The following ACOXL variants were observed in gnomAD, a reference collection of about 807,000 sequenced individuals.
The protein encoded by ACOXL is acyl-CoA oxidase like, also known as acyl-coenzyme A oxidase-like protein.
A neutral mutation model predicts 71.9 loss-of-function variants in ACOXL; 70 were observed. That is an observed-to-expected ratio of 0.97 (90% confidence interval 0.80 to 1.19). The LOEUF (loss-of-function observed/expected upper bound fraction) is 1.19, where lower values mean the gene tolerates loss of function less well. Ranked by LOEUF, ACOXL falls within the 50% of genes most tolerant of loss-of-function variation. The pLI is 0.00. For synonymous variants in ACOXL, 253 were observed against 281.6 expected, an observed-to-expected ratio of 0.90 and a Z score of 1.02; for missense variants, 703 against 736.3, an observed-to-expected ratio of 0.95 and a Z score of 0.52.
intron 8 of ACOXL, among the ~76,000 whole-genome samples, chr2:110,803,482 A>G (rs570292963): frequency 3.0e-4 from 45 of 152,346 alleles, no homozygotes; most frequent in Admixed American, 2.3e-3. Flanking sequence ...AAAAGCATGA[A>G]GTTGGACCTT....
intron 9 of ACOXL, among the ~76,000 whole-genome samples, chr2:110,808,302 T>C (rs926584068): frequency 6.6e-6 from 1 of 152,132 alleles, no homozygotes; most frequent in South Asian, 2.1e-4. Context: ...AAGCTCATCT[T>C]GTAAATTAGG....
intron 9 of ACOXL, among the ~76,000 whole-genome samples, chr2:110,832,544 C>CAAAAAA (rs769471148): frequency 6.8e-5 from 3 of 44,274 alleles, no homozygotes; most frequent in Non-Finnish European, 9.4e-5. Context: ...GACTCCATCT[C>CAAAAAA]AAAAAAAAAA....
At chr2:110,769,404 T>C (rs1257299231) in intron 2 of ACOXL, among the ~76,000 whole-genome samples, 1 of 152,014 alleles carries the variant, frequency 6.6e-6, no homozygotes, top group Non-Finnish European at 1.5e-5. Flanking sequence ...CCCAGTACTT[T>C]GGGAGGCCAA....
At chr2:110,892,456 T>C (rs912236332) in intron 10 of ACOXL, among the ~76,000 whole-genome samples, 1 of 152,122 alleles carries the variant, frequency 6.6e-6, no homozygotes, top group African/African-American at 2.4e-5. Context: ...GATGTGTTCA[T>C]CCAACACCTG....
chr2:110,756,172 G>T (rs541206180), intron 1 of ACOXL, among the ~76,000 whole-genome samples: 2 of 152,214 alleles, frequency 1.3e-5, no homozygotes, highest in South Asian at 4.1e-4. Flanking sequence ...TGTTGCCCAG[G>T]CTGGAGTGCA....
chr2:111,115,390 GATC>G (rs552462197), intron 17 of ACOXL: 137 of 152,268 alleles, frequency 9.0e-4, no homozygotes, highest in African/African-American at 3.2e-3. Context: ...GTATTAAAGA[GATC>G]ATATATTTTT....
chr2:110,890,457 G>C (rs1474380532), intron 10 of ACOXL, among the ~76,000 whole-genome samples: 1 of 152,100 alleles, frequency 6.6e-6, no homozygotes, highest in Non-Finnish European at 1.5e-5. Context: ...TCCTGCATTA[G>C]GTCTGTGATC....
At chr2:111,086,407 A>G (rs2068208071) in intron 16 of ACOXL, among the ~76,000 whole-genome samples, 1 of 152,232 alleles carries the variant, frequency 6.6e-6, no homozygotes, top group South Asian at 2.1e-4. Context: ...GGTTGGTTCA[A>G]CATACACAAG....
intron 9 of ACOXL, among the ~76,000 whole-genome samples, chr2:110,822,150 G>A (rs1688687508): frequency 6.6e-6 from 1 of 152,118 alleles, no homozygotes; most frequent in Admixed American, 6.5e-5. Context: ...CTTCGTGGCT[G>A]GGATGTTGTT....
At chr2:110,838,452 G>A (rs914333167) in intron 9 of ACOXL, among the ~76,000 whole-genome samples, 7 of 152,152 alleles carry the variant, frequency 4.6e-5, no homozygotes, top group Admixed American at 3.3e-4. Flanking sequence ...CTTTGGAAAG[G>A]CCTGACTAGA....
chr2:111,072,903 C>T (rs900485409), intron 16 of ACOXL, among the ~76,000 whole-genome samples: 1 of 152,220 alleles, frequency 6.6e-6, no homozygotes, highest in Non-Finnish European at 1.5e-5. Context: ...TCCAGTTACT[C>T]AGCATCCTAG....
At chr2:111,068,909 C>T (rs558948533) in intron 16 of ACOXL, among the ~76,000 whole-genome samples, 3 of 152,294 alleles carry the variant, frequency 2.0e-5, no homozygotes, top group East Asian at 1.9e-4. Context: ...TACATACATA[C>T]ATACGTGTAT....
Position 111,117,790 on chromosome 2 carries a change from CG to C in ACOXL, c.1719del (p.Lys575SerfsTer89), listed in dbSNP as rs2070464004. 1 of 1,550,342 alleles carries C rather than the reference CG, an allele frequency of 6.5e-7. No individual in the cohort carries two copies. The highest frequency in any genetic ancestry group is 2.4e-5 in the East Asian group (1 of 40,906). On this transcript the variant is annotated frameshift_variant, in exon 18 of 18. Coordinates refer to ENST00000439055, the MANE Select transcript of ACOXL (RefSeq NM_001142807.4). LOFTEE classifies it high-confidence loss of function. ...PRPREEARSRRPKLGAKL is the reference protein window; with the variant it reads ...PRPREEARSRXPKLGAKL ...GCCACGGGAAGAGGCGCGCTCCCGGCGGCCCAAGCTGGGAGCCAAGCTCTAA... is the reference window on the plus strand; with the variant it reads ...GCCACGGGAAGAGGCGCGCTCCCGGCGCCCAAGCTGGGAGCCAAGCTCTAA...
chr2:111,080,289 T>C (rs943831799), intron 16 of ACOXL, among the ~76,000 whole-genome samples: 7 of 152,202 alleles, frequency 4.6e-5, no homozygotes, highest in African/African-American at 1.7e-4. Flanking sequence ...CTTGCTTCTG[T>C]AGTTCTTTTA....
At chr2:111,086,683 A>G (rs1204559028) in intron 16 of ACOXL, among the ~76,000 whole-genome samples, 1 of 152,200 alleles carries the variant, frequency 6.6e-6, no homozygotes, top group East Asian at 1.9e-4. Context: ...CATCTATGAA[A>G]AACCCACAGT....
intron 15 of ACOXL, among the ~76,000 whole-genome samples, chr2:111,043,505 A>G (rs913768467): frequency 3.3e-5 from 5 of 152,026 alleles, no homozygotes; most frequent in African/African-American, 1.2e-4. Flanking sequence ...GCAGTCACAC[A>G]CAGGTGGGAG....
At chr2:110,916,500 A>G (rs2059865655) in intron 11 of ACOXL, among the ~76,000 whole-genome samples, 1 of 152,206 alleles carries the variant, frequency 6.6e-6, no homozygotes, top group Non-Finnish European at 1.5e-5. Flanking sequence ...AATTAAAAGA[A>G]GTAGAGAAGC....
intron 2 of ACOXL, among the ~76,000 whole-genome samples, chr2:110,782,680 TG>T: frequency 6.6e-6 from 1 of 152,304 alleles, no homozygotes; most frequent in South Asian, 2.1e-4. Context: ...AATTTCAAAG[TG>T]GTGAGTAAAA....
chr2:110,976,212 TCAAGCAGCACTG>T (rs1173374624), intron 12 of ACOXL, among the ~76,000 whole-genome samples: 1 of 152,186 alleles, frequency 6.6e-6, no homozygotes, highest in Non-Finnish European at 1.5e-5. Context: ...CACAGACCTC[TCAAGCAGCACTG>T]AAGGATGCAA....
Sources: allele counts gnomAD v4.1 joint callset (sites outside exome capture counted in the v4.1 genomes callset), GRCh38; gene constraint gnomAD v4.1.1; transcripts MANE v1.5; gene names NCBI Gene and HGNC (gene_info 2026-07-23, HGNC 2026-07-21).